The following SENP7 variants were observed in gnomAD, a reference collection of about 807,000 sequenced individuals.
SENP7 encodes SUMO specific peptidase 7, also known as sentrin-specific protease 7.
A neutral mutation model predicts 141.2 loss-of-function variants in SENP7; 64 were observed. The observed-to-expected ratio is 0.45, with a 90% CI of 0.37 to 0.56. SENP7 has a LOEUF of 0.56. Ranked by LOEUF, SENP7 falls within the 20% of genes least tolerant of loss-of-function variation. The pLI is 0.00. For synonymous variants in SENP7, 382 were observed against 426.4 expected (o/e 0.90, Z 1.28); for missense variants, 1,025 against 1,212.2 (o/e 0.85, Z 2.29).
Position 101,366,764 on chromosome 3 carries a change from T to C in SENP7, c.984A>G (p.Lys328=). The change falls in exon 9 of 24, where the codon AAA becomes AAG. Residue 328 remains lysine, a synonymous_variant. Transcript: ENST00000394095. ...SLDKSTEQTK[K]QEDDSTISTE... ...TGGATATTGTTGAGTCATCTTCTTG[T>C]TTTTTCTAAACATAAACACATAGAA... The C allele has an allele frequency of 6.3e-7, 1 of 1,575,616 alleles. No homozygotes were observed. Among genetic ancestry groups the C allele is most frequent in the Non-Finnish European group, 8.6e-7 (1 of 1,160,006 alleles).
chr3:101,437,023 G>C (rs1015522220), intron 4 of SENP7, among the ~76,000 whole-genome samples: 2 of 152,182 alleles, frequency 1.3e-5, no homozygotes, highest in Non-Finnish European at 2.9e-5. Flanking sequence ...ATATACAATG[G>C]AGTATATTCA....
Position 101,372,110 on chromosome 3 carries a change from T to C in SENP7, c.694A>G (p.Lys232Glu). The C allele has an allele frequency of 1.9e-6, 3 of 1,550,604 alleles. No individual in the cohort carries two copies. Among genetic ancestry groups the C allele is most frequent in the Middle Eastern group, 3.5e-4 (2 of 5,768 alleles). The change falls in exon 7 of 24, where the codon AAG becomes GAG. Residue 232 changes from lysine to glutamate, a missense_variant. By Grantham distance (56) the Lys-to-Glu change is moderately conservative. Transcript: ENST00000394095. ...TTTGCAGAATTGTCATCTACTGTCT[T>C]ACTTCGTTGTGAGCCCCTGCAAAAG... ...YLSERGSQRSKTVDDNSAKQT... is the reference protein window; with the variant it reads ...YLSERGSQRSETVDDNSAKQT...
chr3:101,465,091 T>C (rs926743318), intron 3 of SENP7, among the ~76,000 whole-genome samples: 2 of 152,072 alleles, frequency 1.3e-5, no homozygotes, highest in African/African-American at 4.8e-5. Flanking sequence ...TCAGGGTTCC[T>C]AGGGAACAAC....
intron 4 of SENP7, among the ~76,000 whole-genome samples, chr3:101,426,730 C>T (rs2061972123): frequency 6.6e-6 from 1 of 152,160 alleles, no homozygotes. Flanking sequence ...GATCCTCCCA[C>T]CTCAGCCTCC....
intron 1 of SENP7, among the ~76,000 whole-genome samples, chr3:101,511,863 A>C (rs1174208298): frequency 6.6e-6 from 1 of 152,066 alleles, no homozygotes; most frequent in Non-Finnish European, 1.5e-5. Context: ...TCTGTTGCCC[A>C]GGCTGGAGTG....
intron 5 of SENP7, among the ~76,000 whole-genome samples, chr3:101,409,667 C>T (rs1352984408): frequency 1.3e-5 from 2 of 152,028 alleles, no homozygotes; most frequent in African/African-American, 2.4e-5. Context: ...ACAAAGCAAA[C>T]AAAAACATAA....
In SENP7 at chr3:101,458,897, A is replaced by G. The variant is rs139250326; in HGVS notation, c.284+58T>C. On this transcript the variant is annotated intron_variant, in intron 4 of 23. Transcript: ENST00000394095. ...GAGAACCAACAAGCTTAAATGAATCATTTATGGTCAACTTTATAGGTTAAG... is the reference window on the plus strand; with the variant it reads ...GAGAACCAACAAGCTTAAATGAATCGTTTATGGTCAACTTTATAGGTTAAG... The G allele has an allele frequency of 3.8e-3, 3,950 of 1,031,398 alleles. 17 individuals are homozygous for G. The highest frequency in any genetic ancestry group is 5.1e-3 in the Non-Finnish European group (3,473 of 684,816). 63.9% of individuals were successfully genotyped at this position (1,031,398 alleles called of 1,614,324 possible). A position where few individuals can be genotyped will look rare whatever the true frequency, so the allele number is the denominator to read the frequency against.
At chr3:101,341,872 T>G (rs6441598) in intron 14 of SENP7, 93 bp from the exon 15 acceptor site, 529,921 of 1,273,742 alleles carry the variant, frequency 0.42, 111,596 homozygotes, top group Admixed American at 0.58. Context: ...AATGTGACTT[T>G]AAAAATCCCT....
intron 4 of SENP7, among the ~76,000 whole-genome samples, chr3:101,446,617 A>G (rs573139168): frequency 2.6e-5 from 4 of 152,348 alleles, no homozygotes; most frequent in African/African-American, 9.6e-5. Context: ...CAAGTGGAAC[A>G]CCGGAAACTG....
rs74725157 is a variant in SENP7 at position 101,373,384 on chromosome 3, A to C, written c.678-1258T>G. Reference sequence around the variant, plus strand: ...TTTTGTTTACTGAAAATGAAAACCAAAAGAGAAGTCAAAAAAAATTTGTCC... The same window carrying C: ...TTTTGTTTACTGAAAATGAAAACCACAAGAGAAGTCAAAAAAAATTTGTCC... On this transcript the variant is annotated intron_variant, in intron 6 of 23. Coordinates refer to ENST00000394095, the MANE Select transcript of SENP7 (RefSeq NM_020654.5). 7.7e-3 allele frequency among the ~76,000 whole-genome samples: 1,174 copies of C among 152,264 alleles called. 20 individuals carry two copies. The highest frequency in any genetic ancestry group is 0.027 in the African/African-American group (1,136 of 41,558).
At chr3:101,452,912 A>T (rs186699724) in intron 4 of SENP7, among the ~76,000 whole-genome samples, 30 of 152,254 alleles carry the variant, frequency 2.0e-4, no homozygotes, top group Non-Finnish European at 4.0e-4. Context: ...AGAAACTACC[A>T]TCAGAGTGAA....
At chr3:101,379,440 T>C (rs2107485353) in intron 6 of SENP7, among the ~76,000 whole-genome samples, 1 of 152,246 alleles carries the variant, frequency 6.6e-6, no homozygotes, top group South Asian at 2.1e-4. Flanking sequence ...GCAAATCCCA[T>C]ATCTATTAAG....
intron 11 of SENP7, among the ~76,000 whole-genome samples, chr3:101,355,316 T>C (rs186109660): frequency 6.6e-6 from 1 of 152,316 alleles, no homozygotes; most frequent in African/African-American, 2.4e-5. Flanking sequence ...ACTGCCTAGG[T>C]TGTCTTCCAG....
At chr3:101,376,883 C>G (rs2553416) in intron 6 of SENP7, among the ~76,000 whole-genome samples, 48,445 of 151,596 alleles carry the variant, frequency 0.32, 8,223 homozygotes, top group Non-Finnish European at 0.38. Context: ...TGGGTAACAA[C>G]AGAGAAAAAA....
At chr3:101,428,201 G>C (rs892476290) in intron 4 of SENP7, among the ~76,000 whole-genome samples, 1 of 152,016 alleles carries the variant, frequency 6.6e-6, no homozygotes, top group African/African-American at 2.4e-5. Context: ...TAATCCTTTG[G>C]GTATATACCC....
At chr3:101,370,281 T>TAC (rs2060143130) in intron 7 of SENP7, among the ~76,000 whole-genome samples, 1 of 152,144 alleles carries the variant, frequency 6.6e-6, no homozygotes, top group African/African-American at 2.4e-5. Context: ...TGAGGACTGT[T>TAC]AGTCCTCACA....
At position 101,329,669 on chromosome 3, in the gene SENP7, G is replaced by A. The variant is rs575951760; in HGVS notation, c.2751+665C>T. 3.3e-5 allele frequency among the ~76,000 whole-genome samples: 5 copies of A among 151,570 alleles called. No individual in the cohort carries two copies. The South Asian group carries it at 8.4e-4, about 25-fold the overall frequency. On this transcript the variant is annotated intron_variant, in intron 20 of 23. Transcript: ENST00000394095. ...CAATAATTTTCTGGCCGGGCTCGGT[G>A]GCTCACGCCTCTAATCTCAGCACTT...
intron 4 of SENP7, among the ~76,000 whole-genome samples, chr3:101,450,254 A>G (rs2063075084): frequency 6.6e-6 from 1 of 152,198 alleles, no homozygotes; most frequent in South Asian, 2.1e-4. Flanking sequence ...ACTCCCACAC[A>G]ATAATAATGG....
At chr3:101,364,138 G>A (rs1174478436) in intron 10 of SENP7, among the ~76,000 whole-genome samples, 1 of 151,964 alleles carries the variant, frequency 6.6e-6, no homozygotes, top group Non-Finnish European at 1.5e-5. Context: ...TGAATGAGAG[G>A]GATGCTTGAG....
Sources: allele counts gnomAD v4.1 joint callset (sites outside exome capture counted in the v4.1 genomes callset), GRCh38; gene constraint gnomAD v4.1.1; transcripts MANE v1.5; gene names NCBI Gene and HGNC (gene_info 2026-07-23, HGNC 2026-07-21).